WDPCP: variants seen among roughly 807,000 people sequenced by gnomAD.
WDPCP encodes WD repeat-containing and planar cell polarity effector protein fritz homolog.
Under a neutral mutation model 93.1 loss-of-function variants are expected in WDPCP, and 71 were observed. The observed-to-expected ratio is 0.76, with a 90% CI of 0.63 to 0.93. The LOEUF (loss-of-function observed/expected upper bound fraction) is 0.93. Among genes scored for constraint, WDPCP ranks in the 40% least tolerant of loss-of-function variants. WDPCP has a pLI of 0.00. For synonymous variants in WDPCP, 315 were observed against 315.0 expected (o/e 1.00, Z 0.00); for missense variants, 844 against 887.4 (o/e 0.95, Z 0.62).
intron 17 of WDPCP, among the ~76,000 whole-genome samples, chr2:63,129,497 ATCAAATAATAGCCATTCCAAT>A (rs961833621): frequency 2.0e-5 from 3 of 152,208 alleles, no homozygotes; most frequent in African/African-American, 7.2e-5. Context: ...TTTGGCTAAA[ATCAAATAATAGCCATTCCAAT>A]GTATGTAGTT....
chr2:63,651,449 TG>T (rs1292997285), intron 2 of WDPCP, among the ~76,000 whole-genome samples: 8 of 74,632 alleles, frequency 1.1e-4, no homozygotes, highest in African/African-American at 5.2e-4. Context: ...TTTATATGTG[TG>T]TACAACACAC....
chr2:63,352,773 A>G (rs1305821688), intron 12 of WDPCP, among the ~76,000 whole-genome samples: 1 of 152,138 alleles, frequency 6.6e-6, no homozygotes, highest in Non-Finnish European at 1.5e-5. Flanking sequence ...AACATACATA[A>G]AGGAATGACA....
intron 3 of WDPCP, chr2:63,604,813 G>A: frequency 6.2e-7 from 1 of 1,614,214 alleles, no homozygotes; most frequent in Non-Finnish European, 8.5e-7. Context: ...GCAAGGAAAG[G>A]AAGTTGGTGT....
At chr2:63,543,344 T>C (rs980252704) in intron 1 of WDPCP, among the ~76,000 whole-genome samples, 1 of 152,110 alleles carries the variant, frequency 6.6e-6, no homozygotes. Flanking sequence ...GTGATGACCA[T>C]TGAATGCTTT....
At chr2:63,541,402 T>C (rs1456319262) in intron 1 of WDPCP, among the ~76,000 whole-genome samples, 11 of 152,232 alleles carry the variant, frequency 7.2e-5, no homozygotes, top group African/African-American at 2.7e-4. Flanking sequence ...GTTACAATTA[T>C]ACATGGTTTT....
chr2:63,167,383 ATTTTT>A (rs937754026), intron 15 of WDPCP, among the ~76,000 whole-genome samples: 1 of 144,704 alleles, frequency 6.9e-6, no homozygotes, highest in Non-Finnish European at 1.5e-5. Context: ...CCCTTTTCTC[ATTTTT>A]TTTTCTGGTA....
intron 1 of WDPCP, among the ~76,000 whole-genome samples, chr2:63,498,413 C>G (rs560027513): frequency 6.6e-6 from 1 of 152,214 alleles, no homozygotes; most frequent in South Asian, 2.1e-4. Context: ...TTCTAGAAAG[C>G]CCCTTTTCAC....
chr2:63,765,519 G>A (rs1002311173), intron 2 of WDPCP, among the ~76,000 whole-genome samples: 4 of 152,214 alleles, frequency 2.6e-5, no homozygotes, highest in Non-Finnish European at 5.9e-5. Flanking sequence ...AATTGAACTG[G>A]GGCCTTGAGG....
intron 2 of WDPCP, among the ~76,000 whole-genome samples, chr2:63,748,948 T>C (rs1669838259): frequency 6.6e-6 from 1 of 152,126 alleles, no homozygotes; most frequent in South Asian, 2.1e-4. Flanking sequence ...ATTTAAATTC[T>C]TAACTTGTGG....
At chr2:63,274,508 A>C (rs1475874782) in intron 13 of WDPCP, among the ~76,000 whole-genome samples, 1 of 152,142 alleles carries the variant, frequency 6.6e-6, no homozygotes, top group Non-Finnish European at 1.5e-5. Flanking sequence ...ATAGAGACTA[A>C]TAAATAACAC....
At chr2:63,400,173 A>G (rs1300870567) in intron 10 of WDPCP, among the ~76,000 whole-genome samples, 1 of 152,228 alleles carries the variant, frequency 6.6e-6, no homozygotes, top group Non-Finnish European at 1.5e-5. Context: ...AAATCTACCT[A>G]AAGTATATCA....
At chr2:63,796,577 T>A (rs976679695) in intron 2 of WDPCP, among the ~76,000 whole-genome samples, 1 of 152,156 alleles carries the variant, frequency 6.6e-6, no homozygotes, top group Non-Finnish European at 1.5e-5. Context: ...ACAGTGACTG[T>A]GAAACATTGC....
intron 12 of WDPCP, among the ~76,000 whole-genome samples, chr2:63,326,580 C>T (rs1172312545): frequency 1.4e-5 from 2 of 146,232 alleles, no homozygotes; most frequent in Middle Eastern, 3.6e-3. Flanking sequence ...AAGAAAGAGA[C>T]AAAGTCAAAG....
intron 1 of WDPCP, among the ~76,000 whole-genome samples, chr2:63,530,128 T>G (rs1179050522): frequency 1.3e-5 from 2 of 152,216 alleles, no homozygotes; most frequent in East Asian, 3.8e-4. Context: ...CTATCAAGTT[T>G]GTTGATCTTT....
intron 2 of WDPCP, among the ~76,000 whole-genome samples, chr2:63,727,807 A>G (rs1669511357): frequency 6.6e-6 from 1 of 152,082 alleles, no homozygotes; most frequent in Non-Finnish European, 1.5e-5. Flanking sequence ...GAAATTATGC[A>G]TTTCTTCTAG....
intron 9 of WDPCP, among the ~76,000 whole-genome samples, chr2:63,425,230 C>T (rs1696182251): frequency 6.6e-6 from 1 of 152,116 alleles, no homozygotes. Flanking sequence ...ACAAAAAGCC[C>T]CATTCAACGA....
At chr2:63,173,885 C>A (rs1320881185) in intron 15 of WDPCP, among the ~76,000 whole-genome samples, 1 of 152,164 alleles carries the variant, frequency 6.6e-6, no homozygotes, top group East Asian at 1.9e-4. Flanking sequence ...GGCCTCTTTA[C>A]AATTACTGAA....
intron 3 of WDPCP, chr2:63,594,447 C>T (rs1709262933): frequency 1.5e-6 from 2 of 1,293,716 alleles, no homozygotes; most frequent in Middle Eastern, 1.8e-4. Context: ...TTTTAAGGTA[C>T]AGTAGTACTT....
At chr2:63,773,288 A>C (rs1670256786) in intron 2 of WDPCP, among the ~76,000 whole-genome samples, 1 of 152,094 alleles carries the variant, frequency 6.6e-6, no homozygotes, top group African/African-American at 2.4e-5. Flanking sequence ...TAGATGCAAG[A>C]ATATGGAGAA....
Sources: allele counts gnomAD v4.1 joint callset (sites outside exome capture counted in the v4.1 genomes callset), GRCh38; gene constraint gnomAD v4.1.1; transcripts MANE v1.5; gene names NCBI Gene and HGNC (gene_info 2026-07-23, HGNC 2026-07-21).